The following NUDT9 variants were observed in gnomAD, a reference collection of about 807,000 sequenced individuals.
NUDT9 encodes nudix hydrolase 9.
A neutral mutation model predicts 41.0 loss-of-function variants in NUDT9; 31 were observed. That is an observed-to-expected ratio of 0.76 (90% CI 0.57 to 1.02). NUDT9 has a LOEUF of 1.02. NUDT9 is among the 50% of genes least tolerant of loss of function. The probability of loss-of-function intolerance (pLI) is 0.00; values close to 1 mark genes in which losing one functional copy is unlikely to be tolerated. For missense variants in NUDT9, 380 were observed against 431.4 expected (o/e 0.88, Z 1.06); for synonymous variants, 146 against 147.6 (o/e 0.99, Z 0.08).
chr4:87,427,868 C>T lies in NUDT9; in HGVS notation c.107+4856C>T, dbSNP rs1437517420. Reference sequence around the variant, plus strand: ...GTTAAAATTTTGCTTTTTAAAACACCTGAAGTCTGTTTGCTAATTTTGATA... The same window carrying T: ...GTTAAAATTTTGCTTTTTAAAACACTTGAAGTCTGTTTGCTAATTTTGATA... On this transcript the variant is annotated intron_variant, in intron 1 of 7. Coordinates refer to ENST00000302174, the MANE Select transcript of NUDT9 (RefSeq NM_024047.5). Among the ~76,000 whole-genome samples, 10 of 152,262 alleles carry T rather than the reference C, an allele frequency of 6.6e-5. No individual in the cohort carries two copies. In the East Asian group the frequency reaches 1.9e-3, roughly 29 times the overall value.
At position 87,451,721 on chromosome 4, in the gene NUDT9, C is replaced by T; in HGVS notation, c.775C>T (p.Gln259Ter). 6.2e-7 allele frequency: 1 copy of T among 1,613,704 alleles called. No individual in the cohort carries two copies. The highest frequency in any genetic ancestry group is 1.1e-5 in the South Asian group (1 of 91,050). ...GGAAAAGTTGCACAAACTCTTCAGCCAAGACCACCTAGTGGTAAGAAATAG... is the reference window on the plus strand; with the variant it reads ...GGAAAAGTTGCACAAACTCTTCAGCTAAGACCACCTAGTGGTAAGAAATAG... ...IEEKLHKLFS[Q>*]DHLVIYKGYV... The change falls in exon 6 of 8, where the codon CAA (glutamine) becomes TAA (stop). Residue 259 changes from glutamine to a stop codon, truncating the protein, a stop_gained. Transcript: ENST00000302174. LOFTEE classifies it high-confidence loss of function.
Position 87,435,017 on chromosome 4 carries a change from CA to C in NUDT9, c.146del (p.Asn49ThrfsTer127). On this transcript the variant is annotated frameshift_variant, in exon 2 of 8. Transcript: ENST00000302174. LOFTEE classifies it high-confidence loss of function. ...FSSSWFHLNT[N>X]VMSGSNGSKE... ...CATCTTCTTGGTTTCATCTTAATACCAACGTCATGTCTGGTTCTAATGGTTC... is the reference window on the plus strand; with the variant it reads ...CATCTTCTTGGTTTCATCTTAATACCACGTCATGTCTGGTTCTAATGGTTC... 2 of 1,613,550 alleles carry C rather than the reference CA, an allele frequency of 1.2e-6. No individual in the cohort carries two copies. Among genetic ancestry groups the C allele is most frequent in the Non-Finnish European group, 8.5e-7 (1 of 1,179,674 alleles).
At chr4:87,431,608 A>G (rs988946650) in intron 1 of NUDT9, among the ~76,000 whole-genome samples, 3 of 152,202 alleles carry the variant, frequency 2.0e-5, no homozygotes, top group Non-Finnish European at 4.4e-5. Flanking sequence ...TGTTCAGTGT[A>G]TAAGAGTTTT....
At chr4:87,445,432 C>T (rs1317530169) in intron 4 of NUDT9, 2 of 152,276 alleles carry the variant, frequency 1.3e-5, no homozygotes, top group East Asian at 1.9e-4. Flanking sequence ...TTCAGGATTT[C>T]ATAAACTTTT....
intron 1 of NUDT9, among the ~76,000 whole-genome samples, chr4:87,430,549 T>C (rs1016825333): frequency 6.6e-6 from 1 of 151,822 alleles, no homozygotes; most frequent in African/African-American, 2.4e-5. Context: ...TTTGATGTCA[T>C]TTTTTTTATT....
intron 5 of NUDT9, 102 bp from the exon 6 acceptor site, chr4:87,451,487 T>C: frequency 1.1e-6 from 1 of 889,244 alleles, no homozygotes; most frequent in Middle Eastern, 3.0e-4. Flanking sequence ...ATCACTATTA[T>C]AGGCAGATTG....
At chr4:87,435,893 A>G (rs925541781) in intron 2 of NUDT9, among the ~76,000 whole-genome samples, 2 of 152,244 alleles carry the variant, frequency 1.3e-5, no homozygotes, top group African/African-American at 4.8e-5. Context: ...GATTACAACA[A>G]TCAAGCCATT....
rs139999541 is a variant in NUDT9, at chr4:87,440,204, T to C, written c.444-1625T>C. ...CTTTTAATGAAGTCTCTTTGACTAA[T>C]AGAAACTAACTTTAGCTTGCCTGAG... is the stretch of plus-strand genomic sequence containing the variant. On this transcript the variant is annotated intron_variant, in intron 3 of 7. Transcript: ENST00000302174. Among the ~76,000 whole-genome samples the C allele has an allele frequency of 3.6e-3, 554 of 152,372 alleles. 3 individuals are homozygous for C. The highest frequency in any genetic ancestry group is 0.013 in the African/African-American group (535 of 41,580).
chr4:87,434,058 G>A (rs1721798940), intron 1 of NUDT9, among the ~76,000 whole-genome samples: 1 of 151,946 alleles, frequency 6.6e-6, no homozygotes, highest in Non-Finnish European at 1.5e-5. Context: ...TCTTTTATAT[G>A]TATATATATT....
chr4:87,451,971 C>G (rs578162107), intron 6 of NUDT9, among the ~76,000 whole-genome samples: 2 of 152,070 alleles, frequency 1.3e-5, no homozygotes, highest in South Asian at 4.2e-4. Flanking sequence ...TCATTTATAT[C>G]ATTTATTATA....
Position 87,422,881 on chromosome 4 carries a change from T to A in NUDT9, c.-25T>A, listed in dbSNP as rs1721195574. ...GGCACCAACTAAGAGCGACCTAGCATCGCAAAGCCGCCCTCGGGGCGCTCA... is the reference window on the plus strand; with the variant it reads ...GGCACCAACTAAGAGCGACCTAGCAACGCAAAGCCGCCCTCGGGGCGCTCA... On this transcript the variant is annotated 5_prime_UTR_variant, in exon 1 of 8. Transcript: ENST00000302174. The A allele has an allele frequency of 6.3e-7, 1 of 1,596,892 alleles. No individual in the cohort carries two copies. Among genetic ancestry groups the A allele is most frequent in the Non-Finnish European group, 8.5e-7 (1 of 1,172,902 alleles).
At chr4:87,448,925 C>T (rs946463968) in intron 4 of NUDT9, among the ~76,000 whole-genome samples, 11 of 151,944 alleles carry the variant, frequency 7.2e-5, no homozygotes, top group African/African-American at 2.7e-4. Flanking sequence ...AATGTAGTGT[C>T]TTTTATGTAA....
rs1253501828 is a variant in NUDT9, at chr4:87,422,608, A to C, written c.-298A>C. On this transcript the variant is annotated 5_prime_UTR_variant, in exon 1 of 8. Transcript: ENST00000302174. Reference sequence around the variant, plus strand: ...CGTAAAGCGCCATTACGCAGAGAGAAAGTTACGAGGTTCGTGGCCGCGGTT... The same window carrying C: ...CGTAAAGCGCCATTACGCAGAGAGACAGTTACGAGGTTCGTGGCCGCGGTT... 1 of 288,422 alleles carries C rather than the reference A, an allele frequency of 3.5e-6. No homozygotes were observed. Among genetic ancestry groups the C allele is most frequent in the Non-Finnish European group, 6.4e-6 (1 of 156,758 alleles). The allele number at this position is 288,422 out of a possible 1,614,324, so 17.9% of individuals were successfully genotyped here. A position where few individuals can be genotyped will look rare whatever the true frequency, so the allele number is the denominator to read the frequency against.
At position 87,438,351 on chromosome 4, in the gene NUDT9, A is replaced by G; in HGVS notation, c.422A>G (p.Glu141Gly). ...VERKSKNGLY[E>G]IENGRPRNPA... is the part of the protein sequence containing the mutation. ...AGAAAGAGCAAGAATGGCCTGTATGAGATTGAAAATGGAAGACCGAGGTAG... is the reference window on the plus strand; with the variant it reads ...AGAAAGAGCAAGAATGGCCTGTATGGGATTGAAAATGGAAGACCGAGGTAG... Residue 141 changes from glutamate to glycine, a missense_variant, in exon 3 of 8, where the codon GAG (glutamate) becomes GGG (glycine). Coordinates refer to ENST00000302174, the MANE Select transcript of NUDT9 (RefSeq NM_024047.5). The G allele has an allele frequency of 1.9e-6, 3 of 1,608,086 alleles. No homozygotes were observed. The highest frequency in any genetic ancestry group is 2.6e-6 in the Non-Finnish European group (3 of 1,174,986).
At position 87,450,802 on chromosome 4, in the gene NUDT9, T is replaced by C. The variant is rs115191981; in HGVS notation, c.643-787T>C. 9.1e-3 allele frequency among the ~76,000 whole-genome samples: 1,388 copies of C among 152,328 alleles called. 12 individuals carry two copies. The highest frequency in any genetic ancestry group is 0.012 in the Non-Finnish European group (831 of 68,030). ...TTATTTAAAATTCTTATCAGGAAAC[T>C]GCTGTCATTGTTATCATTTTGACAG... On this transcript the variant is annotated intron_variant, in intron 5 of 7. Transcript: ENST00000302174.
At chr4:87,444,833 G>A (rs1243250056) in intron 4 of NUDT9, among the ~76,000 whole-genome samples, 21 of 152,138 alleles carry the variant, frequency 1.4e-4, no homozygotes, top group Non-Finnish European at 8.8e-5. Context: ...GAGATGGTCC[G>A]AGGCTATAAG....
chr4:87,426,600 C>T (rs920954892), intron 1 of NUDT9, among the ~76,000 whole-genome samples: 1 of 151,670 alleles, frequency 6.6e-6, no homozygotes, highest in Non-Finnish European at 1.5e-5. Flanking sequence ...TTAGTAGAGA[C>T]GGGGTTTCAC....
intron 1 of NUDT9, among the ~76,000 whole-genome samples, chr4:87,428,164 GT>G (rs139633525): frequency 1.6e-4 from 25 of 152,222 alleles, no homozygotes; most frequent in African/African-American, 6.0e-4. Context: ...ATTTTTGGGT[GT>G]TTTACCACAC....
intron 6 of NUDT9, among the ~76,000 whole-genome samples, chr4:87,452,873 G>A (rs149347691): frequency 1.4e-5 from 2 of 146,272 alleles, no homozygotes; most frequent in African/African-American, 2.5e-5. Context: ...GTGCAATGGC[G>A]CGATCTCGGC....
Sources: gnomAD v4.1 joint callset for allele counts (sites outside exome capture counted in the v4.1 genomes callset) on GRCh38, gnomAD v4.1.1 for gene constraint, MANE v1.5 for transcripts, NCBI Gene and HGNC (gene_info 2026-07-23, HGNC 2026-07-21) for gene names.